Variants in NSA2 observed in about 807,000 individuals in gnomAD.
The protein encoded by NSA2 is ribosome biogenesis protein NSA2 homolog.
In NSA2, 18 loss-of-function variants were observed where a neutral mutation model predicts 34.8. The observed-to-expected ratio is 0.52, with a 90% CI of 0.36 to 0.77. The LOEUF (loss-of-function observed/expected upper bound fraction) is 0.77. NSA2 is among the 30% of genes least tolerant of loss of function. The probability of loss-of-function intolerance (pLI) is 0.00; values close to 1 mark genes in which losing one functional copy is unlikely to be tolerated. For synonymous variants in NSA2, 79 were observed against 100.2 expected, an observed-to-expected ratio of 0.79 and a Z score of 1.26; for missense variants, 188 against 314.7, an observed-to-expected ratio of 0.60 and a Z score of 3.05.
rs1047604105 is a variant in NSA2 at position 74,779,032 on chromosome 5, C to T, written c.*2361C>T. 6.6e-6 allele frequency: 1 copy of T among 152,088 alleles called. No individual in the cohort carries two copies. Among genetic ancestry groups the T allele is most frequent in the Non-Finnish European group, 1.5e-5 (1 of 67,950 alleles). The allele number at this position is 152,088 out of a possible 1,614,324, so 9.4% of individuals were successfully genotyped here. A position where few individuals can be genotyped will look rare whatever the true frequency, so the allele number is the denominator to read the frequency against. The stretch of plus-strand genomic sequence containing the variant: ...TTTTTCCAAGTGATCTAACTTTTCC[C>T]TCTATAATCTATAAACCCCAAAATA... On this transcript the variant is annotated 3_prime_UTR_variant, in exon 6 of 6. Transcript: ENST00000610426.
At chr5:74,774,373 G>A (rs1745041735) in intron 5 of NSA2, among the ~76,000 whole-genome samples, 1 of 151,924 alleles carries the variant, frequency 6.6e-6, no homozygotes, top group African/African-American at 2.4e-5. Context: ...AGGCTGAGGC[G>A]GGTGGATCAC....
rs866256457 is a variant in NSA2, at chr5:74,779,784, T to G, written c.*3113T>G. 3.9e-5 allele frequency: 6 copies of G among 152,318 alleles called. No homozygotes were observed. The highest frequency in any genetic ancestry group is 4.1e-4 in the South Asian group (2 of 4,826). The allele number at this position is 152,318 out of a possible 1,614,324, so 9.4% of individuals were successfully genotyped here. ...CTAACACAAATAGGAGCGTTTACTA[T>G]TTTTGTCTGCTTTAAGATTTTAACT... On this transcript the variant is annotated 3_prime_UTR_variant, in exon 6 of 6. Coordinates refer to ENST00000610426, the MANE Select transcript of NSA2 (RefSeq NM_014886.6).
intron 4 of NSA2, among the ~76,000 whole-genome samples, chr5:74,773,078 G>C (rs1163156059): frequency 1.3e-5 from 2 of 152,052 alleles, no homozygotes; most frequent in Admixed American, 6.6e-5. Flanking sequence ...TAAAGACTTG[G>C]AATCAGGATA....
At chr5:74,770,351 A>C (rs148981391) in intron 3 of NSA2, among the ~76,000 whole-genome samples, 1 of 150,818 alleles carries the variant, frequency 6.6e-6, no homozygotes, top group African/African-American at 2.4e-5. Context: ...AAAAAAAAAA[A>C]CCACCACATT....
intron 5 of NSA2, among the ~76,000 whole-genome samples, 195 bp from the exon 6 acceptor site, chr5:74,776,409 G>A (rs1745123665): frequency 6.6e-6 from 1 of 152,126 alleles, no homozygotes; most frequent in African/African-American, 2.4e-5. Flanking sequence ...AAGACTGAGT[G>A]AGGAGAATCG....
At chr5:74,767,413 G>A in intron 1 of NSA2, 50 bp downstream of exon 1, 5 of 1,607,354 alleles carry the variant, frequency 3.1e-6, no homozygotes, top group Non-Finnish European at 4.2e-6. Flanking sequence ...TGAGTTAGTG[G>A]GACCTGAGGA....
Position 74,776,667 on chromosome 5 carries a change from T to C in NSA2, c.779T>C (p.Val260Ala), listed in dbSNP as rs767192679. ...NDGCINAVLL[V>A] ...GGATGTATAAATGCAGTCTTACTGG[T>C]TTGACAGCAATTTCATATATAATTA... Residue 260 changes from valine to alanine, a missense_variant, in exon 6 of 6, where the codon GTT (valine) becomes GCT (alanine). Val to Ala is a moderately conservative substitution (Grantham distance 64). Transcript: ENST00000610426. 5 of 1,523,514 alleles carry C rather than the reference T, an allele frequency of 3.3e-6. 1 individual carries two copies. In the South Asian group the frequency reaches 3.4e-5, roughly 10 times the overall value. 94.4% of individuals were successfully genotyped at this position (1,523,514 alleles called of 1,614,324 possible).
intron 4 of NSA2, among the ~76,000 whole-genome samples, chr5:74,773,273 C>CT (rs1249196302): frequency 6.6e-6 from 1 of 151,436 alleles, no homozygotes; most frequent in African/African-American, 2.4e-5. Flanking sequence ...CTTAGTAAGT[C>CT]TAAGTGTAGA....
intron 4 of NSA2, among the ~76,000 whole-genome samples, chr5:74,772,397 G>A (rs186913906): frequency 3.8e-4 from 58 of 151,838 alleles, no homozygotes; most frequent in Non-Finnish European, 6.9e-4. Context: ...GGAATTACAG[G>A]CATGAGCCAC....
chr5:74,773,804 A>C (rs1486692009), intron 4 of NSA2, 64 bp from the exon 5 acceptor site: 1 of 1,294,974 alleles, frequency 7.7e-7, no homozygotes, highest in Non-Finnish European at 1.1e-6. Flanking sequence ...AGCGAAAACG[A>C]CCACTACTCA....
Position 74,767,274 on chromosome 5 carries a change from G to A in NSA2, c.-87G>A, listed in dbSNP as rs1744698788. 1 of 1,532,456 alleles carries A rather than the reference G, an allele frequency of 6.5e-7. No homozygotes were observed. The highest frequency in any genetic ancestry group is 9.0e-7 in the Non-Finnish European group (1 of 1,107,912). 94.9% of individuals were successfully genotyped at this position (1,532,456 alleles called of 1,614,324 possible). A position where few individuals can be genotyped will look rare whatever the true frequency, so the allele number is the denominator to read the frequency against. ...ACTCTTTCCTGTCCCGGCCTGCGTG[G>A]TGTGGGCTTGTGGGTCTTTGAGACC... On this transcript the variant is annotated 5_prime_UTR_variant, in exon 1 of 6. It adds an upstream start codon to the 5' untranslated region. Coordinates refer to ENST00000610426, the MANE Select transcript of NSA2 (RefSeq NM_014886.6).
rs1745143291 is a variant in NSA2, at chr5:74,776,728, A to G, written c.*57A>G. ...CACACCAATTGAAGAAACTGCCATT[A>G]CTGTGATGTTTCTGAATACTACCAA... is the stretch of plus-strand genomic sequence containing the variant. On this transcript the variant is annotated 3_prime_UTR_variant, in exon 6 of 6. Coordinates refer to ENST00000610426, the MANE Select transcript of NSA2 (RefSeq NM_014886.6). The G allele has an allele frequency of 1.1e-6, 1 of 869,674 alleles. No individual in the cohort carries two copies. Among genetic ancestry groups the G allele is most frequent in the Admixed American group, 1.7e-5 (1 of 57,588 alleles). The allele number at this position is 869,674 out of a possible 1,614,324, so 53.9% of individuals were successfully genotyped here.
chr5:74,769,689 T>C (rs557829958), intron 3 of NSA2: 2 of 180,868 alleles, frequency 1.1e-5, no homozygotes, highest in African/African-American at 4.7e-5. Flanking sequence ...GCTTCTTATT[T>C]GTGCTGCCCT....
Position 74,777,763 on chromosome 5 carries a change from A to C in NSA2, c.*1092A>C, listed in dbSNP as rs1745195402. On this transcript the variant is annotated 3_prime_UTR_variant, in exon 6 of 6. Coordinates refer to ENST00000610426, the MANE Select transcript of NSA2 (RefSeq NM_014886.6). The stretch of plus-strand genomic sequence containing the variant: ...GGAAACAATCACAAAATATAGGTTT[A>C]ATTACTACTTTTAAACTTAAAAAAA... 1 of 152,052 alleles carries C rather than the reference A, an allele frequency of 6.6e-6. No individual in the cohort carries two copies. The highest frequency in any genetic ancestry group is 2.1e-4 in the South Asian group (1 of 4,834). 9.4% of individuals were successfully genotyped at this position (152,052 alleles called of 1,614,324 possible). A position where few individuals can be genotyped will look rare whatever the true frequency, so the allele number is the denominator to read the frequency against.
intron 5 of NSA2, among the ~76,000 whole-genome samples, chr5:74,774,958 G>A (rs142827712): frequency 1.0e-3 from 155 of 152,038 alleles, no homozygotes; most frequent in African/African-American, 3.7e-3. Context: ...GGCTCAGCCT[G>A]TAATCCCAGC....
At chr5:74,772,126 T>G (rs1351421548) in intron 4 of NSA2, among the ~76,000 whole-genome samples, 3 of 142,430 alleles carry the variant, frequency 2.1e-5, no homozygotes, top group Non-Finnish European at 4.6e-5. Flanking sequence ...CCTGAGTAAT[T>G]TTTTTTTTTT....
Position 74,769,009 on chromosome 5 carries a change from G to A in NSA2, c.82G>A (p.Glu28Lys), listed in dbSNP as rs1289639983. 23 of 1,611,178 alleles carry A rather than the reference G, an allele frequency of 1.4e-5. No individual in the cohort carries two copies. The highest frequency in any genetic ancestry group is 1.9e-5 in the Non-Finnish European group (22 of 1,179,166). ...TTACCATGAGAAAAAGAGAAAGAAG[G>A]AAAGTCGAGAGGCTCATGAACGTTC... ...LDYHEKKRKKESREAHERSKK... is the reference protein window; with the variant it reads ...LDYHEKKRKKKSREAHERSKK... Residue 28 changes from glutamate to lysine, a missense_variant, in exon 2 of 6, where the codon GAA (glutamate) becomes AAA (lysine). By Grantham distance (56) the Glu-to-Lys change is moderately conservative. Transcript: ENST00000610426.
At position 74,777,184 on chromosome 5, in the gene NSA2, A is replaced by G. The variant is rs1258414558; in HGVS notation, c.*513A>G. The stretch of plus-strand genomic sequence containing the variant: ...TCTTTTCACCTGTGAAATCCAGTAC[A>G]GCAAAGGTCTAGTGAATTCACATTC... On this transcript the variant is annotated 3_prime_UTR_variant, in exon 6 of 6. Coordinates refer to ENST00000610426, the MANE Select transcript of NSA2 (RefSeq NM_014886.6). 6.6e-6 allele frequency: 1 copy of G among 152,374 alleles called. No individual in the cohort carries two copies. The highest frequency in any genetic ancestry group is 1.5e-5 in the Non-Finnish European group (1 of 68,142). The allele number at this position is 152,374 out of a possible 1,614,324, so 9.4% of individuals were successfully genotyped here. A position where few individuals can be genotyped will look rare whatever the true frequency, so the allele number is the denominator to read the frequency against.
At chr5:74,773,655 T>C (rs1416976879) in intron 4 of NSA2, among the ~76,000 whole-genome samples, 1 of 152,006 alleles carries the variant, frequency 6.6e-6, no homozygotes, top group African/African-American at 2.4e-5. Context: ...AAAAAGAAAT[T>C]CTTAAGTATT....
Sources: gnomAD v4.1 joint callset for allele counts (sites outside exome capture counted in the v4.1 genomes callset) on GRCh38, gnomAD v4.1.1 for gene constraint, MANE v1.5 for transcripts, NCBI Gene and HGNC (gene_info 2026-07-23, HGNC 2026-07-21) for gene names.